Variants in BEST1 observed in about 807,000 individuals in gnomAD.
BEST1 encodes the protein bestrophin-1.
In BEST1, 58 loss-of-function variants were observed where a neutral mutation model predicts 63.3. The observed-to-expected ratio is 0.92, with a 90% CI of 0.74 to 1.14. The LOEUF is 1.14. Ranked by LOEUF, BEST1 falls within the 50% of genes most tolerant of loss-of-function variation. The pLI, the probability that BEST1 is intolerant of heterozygous loss-of-function variation, is 0.00. For synonymous variants in BEST1, 283 were observed against 291.6 expected, an observed-to-expected ratio of 0.97 and a Z score of 0.30; for missense variants, 671 against 740.1, an observed-to-expected ratio of 0.91 and a Z score of 1.08.
In BEST1 at chr11:61,962,778, A is replaced by G. The variant is rs1942209504; in HGVS notation, c.1624A>G (p.Thr542Ala). 3 of 1,614,068 alleles carry G rather than the reference A, an allele frequency of 1.9e-6. No homozygotes were observed. The African/African-American group carries it at 4.0e-5, about 22-fold the overall frequency. ...GAGGAAAACTGTGGAGTTTAACCTGACGGATATGCCAGAGATCCCCGAAAA... is the reference window on the plus strand; with the variant it reads ...GAGGAAAACTGTGGAGTTTAACCTGGCGGATATGCCAGAGATCCCCGAAAA... ...VRRKTVEFNL[T>A]DMPEIPENHL... Residue 542 changes from threonine (T) to alanine (A), a missense_variant, in exon 10 of 11, where the codon ACG becomes GCG. Coordinates refer to ENST00000378043, the MANE Select transcript of BEST1 (RefSeq NM_004183.4).
At position 61,962,710 on chromosome 11, in the gene BEST1, G is replaced by A; in HGVS notation, c.1556G>A (p.Ser519Asn). ...AKKSFELLSE[S>N]DGALMEHPEV... ...AAAAGTTTTGAATTGCTCTCAGAGA[G>A]CGATGGGGCCTTGATGGAGCACCCA... The change falls in exon 10 of 11, where the codon AGC becomes AAC. Residue 519 changes from serine (S) to asparagine (N), a missense_variant. Physicochemically the swap from Ser to Asn is conservative, Grantham distance 46 (BLOSUM62 1). Transcript: ENST00000378043. The A allele has an allele frequency of 1.2e-6, 2 of 1,614,242 alleles. No homozygotes were observed. The highest frequency in any genetic ancestry group is 2.2e-5 in the South Asian group (2 of 91,090).
At chr11:61,955,590 A>C in intron 3 of BEST1, 128 bp from the exon 4 acceptor site, 1 of 1,168,058 alleles carries the variant, frequency 8.6e-7, no homozygotes, top group South Asian at 1.5e-5. Flanking sequence ...AGCGCCTTCC[A>C]GGAGGGCTGG....
At chr11:61,954,515 C>T (rs1034656798) in intron 2 of BEST1, among the ~76,000 whole-genome samples, 1 of 152,116 alleles carries the variant, frequency 6.6e-6, no homozygotes, top group African/African-American at 2.4e-5. Context: ...GCTCTGTCAC[C>T]CAGGCTGAAG....
intron 10 of BEST1, chr11:61,963,820 A>ATGATGAAACCCCATT (rs1942321119): frequency 7.9e-7 from 1 of 1,268,994 alleles, no homozygotes; most frequent in Admixed American, 3.4e-5. Context: ...CCTGGCCAAC[A>ATGATGAAACCCCATT]TGATGAAACC....
At chr11:61,965,349 C>T (rs115415197), downstream of BEST1, 4 of 1,592,848 alleles carry the variant, frequency 2.5e-6, no homozygotes, top group African/African-American at 2.7e-5. Flanking sequence ...AGTATGACAC[C>T]CCTAGGATCT....
At chr11:61,952,976 G>T (rs914475184) in intron 2 of BEST1, among the ~76,000 whole-genome samples, 4 of 151,984 alleles carry the variant, frequency 2.6e-5, no homozygotes, top group Non-Finnish European at 5.9e-5. Flanking sequence ...GGTGGCATTT[G>T]CCTGTGGTCC....
In BEST1 at chr11:61,962,421, G is replaced by C; in HGVS notation, c.1267G>C (p.Glu423Gln). The C allele has an allele frequency of 6.2e-7, 1 of 1,614,164 alleles. No homozygotes were observed. The highest frequency in any genetic ancestry group is 1.1e-5 in the South Asian group (1 of 91,086). The change falls in exon 10 of 11, where the codon GAG (glutamate) becomes CAG (glutamine). Residue 423 changes from glutamate (E) to glutamine (Q), a missense_variant. Glu to Gln is a conservative substitution (Grantham distance 29). Transcript: ENST00000378043. ...GCCCAAGAGGGAATCCCTTCTCCAC[G>C]AGGGCCTGCCCAAAAACCACAAGGC... ...LWPKRESLLH[E>Q]GLPKNHKAAK...
In BEST1 at chr11:61,964,275, C is replaced by T. The variant is rs1942374231; in HGVS notation, c.*153C>T. The T allele has an allele frequency of 2.8e-6, 4 of 1,434,088 alleles. No homozygotes were observed. The highest frequency in any genetic ancestry group is 1.4e-5 in the African/African-American group (1 of 70,388). The allele number at this position is 1,434,088 out of a possible 1,614,324, so 88.8% of individuals were successfully genotyped here. ...AATGGTTAGCTTAATAGATAAAAAT[C>T]CCAGACTACTTCAGCCTTTAATGCC... On this transcript the variant is annotated 3_prime_UTR_variant, in exon 11 of 11. Transcript: ENST00000378043.
intron 4 of BEST1, among the ~76,000 whole-genome samples, chr11:61,956,290 C>A (rs1447507299): frequency 6.6e-6 from 1 of 152,106 alleles, no homozygotes; most frequent in Admixed American, 6.5e-5. Flanking sequence ...CTCCGGTTTC[C>A]ACTCTGGAGG....
At position 61,959,928 on chromosome 11, in the gene BEST1, C is replaced by T. The variant is rs1941878257; in HGVS notation, c.985C>T (p.Leu329=). Residue 329 remains leucine (L), a synonymous_variant, in exon 9 of 11, where the codon CTG becomes TTG. Transcript: ENST00000378043. ...GGCTGTGGATGAGATGCACCAGGAC[C>T]TGCCTCGGATGGAGCCGGACATGTA... ...LLAVDEMHQD[L]PRMEPDMYWN... The T allele has an allele frequency of 1.2e-6, 2 of 1,613,506 alleles. No homozygotes were observed. The highest frequency in any genetic ancestry group is 1.7e-6 in the Non-Finnish European group (2 of 1,179,828).
At chr11:61,965,361 T>C (rs1942429502), downstream of BEST1, 1 of 1,612,682 alleles carries the variant, frequency 6.2e-7, no homozygotes, top group Non-Finnish European at 8.5e-7. Flanking sequence ...CTAGGATCTT[T>C]TGTTCACCTT....
In BEST1 at chr11:61,959,946, G is replaced by T. The variant is rs1465048077; in HGVS notation, c.1003G>T (p.Asp335Tyr). The stretch of plus-strand genomic sequence containing the variant: ...CCAGGACCTGCCTCGGATGGAGCCG[G>T]ACATGTACTGGAATAAGCCCGAGCC... ...MHQDLPRMEP[D>Y]MYWNKPEPQP... Residue 335 changes from aspartate (D) to tyrosine (Y), a missense_variant, in exon 9 of 11, where the codon GAC becomes TAC. Transcript: ENST00000378043. 1 of 1,613,226 alleles carries T rather than the reference G, an allele frequency of 6.2e-7. No homozygotes were observed. Among genetic ancestry groups the T allele is most frequent in the Admixed American group, 1.7e-5 (1 of 59,910 alleles).
At chr11:61,956,690 G>T (rs1028901034) in intron 4 of BEST1, among the ~76,000 whole-genome samples, 154 bp from the exon 5 acceptor site, 1 of 152,110 alleles carries the variant, frequency 6.6e-6, no homozygotes, top group African/African-American at 2.4e-5. Context: ...CACATGCTCA[G>T]CCCAGAACAG....
chr11:61,951,823 C>T lies in BEST1; in HGVS notation c.17C>T (p.Thr6Ile). ...TGCCTGGCCATGACCATCACTTACACAAGCCAAGTGGCTAATGCCCGCTTA... is the reference window on the plus strand; with the variant it reads ...TGCCTGGCCATGACCATCACTTACATAAGCCAAGTGGCTAATGCCCGCTTA... MTITY[T>I]SQVANARLGS... Residue 6 changes from threonine to isoleucine, a missense_variant, in exon 2 of 11, where the codon ACA becomes ATA. Physicochemically the swap from Thr to Ile is moderately conservative, Grantham distance 89. Transcript: ENST00000378043. 2 of 1,612,978 alleles carry T rather than the reference C, an allele frequency of 1.2e-6. No individual in the cohort carries two copies. The highest frequency in any genetic ancestry group is 1.7e-6 in the Non-Finnish European group (2 of 1,180,014).
intron 9 of BEST1, 40 bp from the exon 10 acceptor site, chr11:61,962,215 T>C (rs1245632038): frequency 6.2e-7 from 1 of 1,609,668 alleles, no homozygotes; most frequent in Non-Finnish European, 8.5e-7. Context: ...GTTGGTCCTT[T>C]GTCCACTGGC....
chr11:61,958,720 A>G (rs1475502620), intron 7 of BEST1: 2 of 418,178 alleles, frequency 4.8e-6, no homozygotes, highest in Admixed American at 3.6e-5. Context: ...CACAGCCAAT[A>G]CTCCGAACAG....
chr11:61,963,848 A>AAT, intron 10 of BEST1: 1 of 1,294,944 alleles, frequency 7.7e-7, no homozygotes, highest in South Asian at 1.6e-5. Context: ...TACCAAAAAA[A>AAT]ATACAAATCA....
At chr11:61,952,909 G>A (rs963366308) in intron 2 of BEST1, among the ~76,000 whole-genome samples, 3 of 151,252 alleles carry the variant, frequency 2.0e-5, no homozygotes, top group East Asian at 2.0e-4. Context: ...GGAGTTCAGC[G>A]TGGGCAACAT....
chr11:61,960,402 G>T (rs886494375), intron 9 of BEST1: 3 of 330,468 alleles, frequency 9.1e-6, no homozygotes, highest in Middle Eastern at 1.0e-3. Context: ...ACAGTATCTC[G>T]CTCTGTCGCC....
Sources: gnomAD v4.1 joint callset for allele counts (sites outside exome capture counted in the v4.1 genomes callset) on GRCh38, gnomAD v4.1.1 for gene constraint, MANE v1.5 for transcripts, NCBI Gene and HGNC (gene_info 2026-07-23, HGNC 2026-07-21) for gene names.